The following ATP9A variants were observed in gnomAD, a reference collection of about 807,000 sequenced individuals.
ATP9A encodes the protein probable phospholipid-transporting ATPase IIA.
A neutral mutation model predicts 144.1 loss-of-function variants in ATP9A; 52 were observed. That is an observed-to-expected ratio of 0.36 (90% CI 0.29 to 0.45). The LOEUF (loss-of-function observed/expected upper bound fraction) is 0.45. Ranked by LOEUF, ATP9A falls within the 20% of genes least tolerant of loss-of-function variation. The probability of loss-of-function intolerance (pLI) is 1.00; values close to 1 mark genes in which losing one functional copy is unlikely to be tolerated. For synonymous variants in ATP9A, 582 were observed against 557.4 expected (o/e 1.04, Z -0.62); for missense variants, 947 against 1,392.7 (o/e 0.68, Z 5.09).
At chr20:51,646,977 A>C (rs1234679631) in intron 14 of ATP9A, among the ~76,000 whole-genome samples, 1 of 152,006 alleles carries the variant, frequency 6.6e-6, no homozygotes, top group East Asian at 1.9e-4. Context: ...CAAAAAATTC[A>C]CTGGGCCGGT....
At chr20:51,745,129 T>C (rs547110836) in intron 1 of ATP9A, among the ~76,000 whole-genome samples, 7 of 152,138 alleles carry the variant, frequency 4.6e-5, no homozygotes, top group Non-Finnish European at 1.0e-4. Context: ...ATACAAAATT[T>C]AGCCAGGTGT....
At chr20:51,677,934 G>C (rs755189649) in intron 9 of ATP9A, among the ~76,000 whole-genome samples, 13 of 152,210 alleles carry the variant, frequency 8.5e-5, no homozygotes, top group South Asian at 8.3e-4. Context: ...ACACTGGTGT[G>C]ATCTATTTTG....
At chr20:51,727,862 T>C (rs1248064310) in intron 2 of ATP9A, among the ~76,000 whole-genome samples, 2 of 140,588 alleles carry the variant, frequency 1.4e-5, no homozygotes, top group African/African-American at 5.3e-5. Flanking sequence ...ACCCGGGAGG[T>C]GGAGGTTGCA....
chr20:51,734,198 G>T (rs1297506657), intron 1 of ATP9A, among the ~76,000 whole-genome samples: 1 of 151,872 alleles, frequency 6.6e-6, no homozygotes, highest in Non-Finnish European at 1.5e-5. Flanking sequence ...AGCCCAGGCT[G>T]GTCTCAAATT....
intron 11 of ATP9A, among the ~76,000 whole-genome samples, chr20:51,672,472 T>G (rs1455223953): frequency 1.3e-5 from 2 of 152,178 alleles, no homozygotes; most frequent in African/African-American, 4.8e-5. Context: ...TTAGATTGAA[T>G]ACTTGTTTTG....
At chr20:51,728,641 A>AT (rs1484366664) in intron 2 of ATP9A, among the ~76,000 whole-genome samples, 2 of 151,204 alleles carry the variant, frequency 1.3e-5, no homozygotes, top group Admixed American at 6.6e-5. Context: ...AAAAAAAAAA[A>AT]AATTCAAATT....
chr20:51,651,237 C>CATAATATATTAT, intron 14 of ATP9A, among the ~76,000 whole-genome samples: 1 of 86,504 alleles, frequency 1.2e-5, no homozygotes, highest in East Asian at 4.9e-4. Flanking sequence ...TTATTATTTA[C>CATAATATATTAT]ATAATATATA....
At chr20:51,682,990 G>T (rs539789481) in intron 9 of ATP9A, among the ~76,000 whole-genome samples, 1 of 151,154 alleles carries the variant, frequency 6.6e-6, no homozygotes, top group South Asian at 2.1e-4. Flanking sequence ...TACTCAGAAG[G>T]CTGAGGCAGG....
intron 4 of ATP9A, among the ~76,000 whole-genome samples, chr20:51,708,243 G>C (rs1320141488): frequency 1.3e-5 from 2 of 150,882 alleles, no homozygotes; most frequent in Non-Finnish European, 3.0e-5. Context: ...ACTTGAGCTC[G>C]GGAGTTCAAA....
At chr20:51,690,247 C>T (rs563464454) in intron 8 of ATP9A, among the ~76,000 whole-genome samples, 3 of 151,860 alleles carry the variant, frequency 2.0e-5, no homozygotes, top group East Asian at 1.9e-4. Flanking sequence ...CGTGAAAACC[C>T]GTCTCTACTA....
chr20:51,675,887 G>GAAAAAAAAAAAAA (rs375688302), intron 10 of ATP9A, among the ~76,000 whole-genome samples: 1 of 103,516 alleles, frequency 9.7e-6, no homozygotes. Flanking sequence ...CTCAAAAAAA[G>GAAAAAAAAAAAAA]AAAAAAAAAA....
intron 15 of ATP9A, among the ~76,000 whole-genome samples, chr20:51,638,152 C>T (rs1204121770): frequency 1.2e-4 from 15 of 123,826 alleles, no homozygotes; most frequent in African/African-American, 4.0e-4. Flanking sequence ...CACTTGTTGA[C>T]TGATGAGTAT....
intron 23 of ATP9A, 119 bp from the exon 24 acceptor site, chr20:51,610,284 T>C: frequency 1.4e-6 from 1 of 712,670 alleles, no homozygotes; most frequent in Non-Finnish European, 2.4e-6. Flanking sequence ...TGTAAGGTAC[T>C]TTACATGGAT....
rs145530019 is a variant in ATP9A at position 51,647,758 on chromosome 20, G to T, written c.1507-8254C>A. On this transcript the variant is annotated intron_variant, in intron 14 of 27. Transcript: ENST00000338821. ...AAAGAAAAAGAAAAAAAAAAGAAAT[G>T]ACTATATATTAACTCTATTCTGAGC... Among the ~76,000 whole-genome samples the T allele has an allele frequency of 5.9e-5, 9 of 152,132 alleles. No individual in the cohort carries two copies. The East Asian group carries it at 1.7e-3, about 29-fold the overall frequency.
chr20:51,735,949 T>C (rs1425668662), intron 1 of ATP9A, among the ~76,000 whole-genome samples: 1 of 152,180 alleles, frequency 6.6e-6, no homozygotes, highest in African/African-American at 2.4e-5. Flanking sequence ...ATGGACCTTG[T>C]AGCCTAGTGG....
intron 26 of ATP9A, 33 bp downstream of exon 26, chr20:51,607,493 CA>C (rs756840211): frequency 6.4e-7 from 1 of 1,565,578 alleles, no homozygotes; most frequent in South Asian, 1.1e-5. Flanking sequence ...AGTACCAGAG[CA>C]CAAGACAAAC....
chr20:51,759,448 G>A (rs2077869950), intron 1 of ATP9A, among the ~76,000 whole-genome samples: 1 of 152,202 alleles, frequency 6.6e-6, no homozygotes, highest in Admixed American at 6.5e-5. Context: ...CGAGGTGGGT[G>A]GATCACCTGA....
chr20:51,764,122 CTA>C (rs2077893940), intron 1 of ATP9A, among the ~76,000 whole-genome samples: 1 of 152,216 alleles, frequency 6.6e-6, no homozygotes, highest in Non-Finnish European at 1.5e-5. Flanking sequence ...GACTAAAAAA[CTA>C]TGAGATACAT....
intron 9 of ATP9A, among the ~76,000 whole-genome samples, chr20:51,682,935 A>G (rs2077506592): frequency 6.6e-6 from 1 of 150,774 alleles, no homozygotes; most frequent in Non-Finnish European, 1.5e-5. Flanking sequence ...TACTAAAAAT[A>G]CAAAAAATTA....
Sources: gnomAD v4.1 joint callset for allele counts (sites outside exome capture counted in the v4.1 genomes callset) on GRCh38, gnomAD v4.1.1 for gene constraint, MANE v1.5 for transcripts, NCBI Gene and HGNC (gene_info 2026-07-23, HGNC 2026-07-21) for gene names.